The following DOCK10 variants were observed in gnomAD, a reference collection of about 807,000 sequenced individuals.
DOCK10 encodes dedicator of cytokinesis protein 10.
A neutral mutation model predicts 280.1 loss-of-function variants in DOCK10; 145 were observed. That is an observed-to-expected ratio of 0.52 (90% CI 0.45 to 0.59). The LOEUF is 0.59. DOCK10 is among the 20% of genes least tolerant of loss of function. The probability of loss-of-function intolerance (pLI) is 0.00; values close to 1 mark genes in which losing one functional copy is unlikely to be tolerated. For missense variants in DOCK10, 2,368 were observed against 2,651.7 expected (o/e 0.89, Z 2.35); for synonymous variants, 915 against 942.2 (o/e 0.97, Z 0.53).
chr2:224,953,107 CATG>C (rs1703856610), intron 1 of DOCK10, among the ~76,000 whole-genome samples: 1 of 152,166 alleles, frequency 6.6e-6, no homozygotes, highest in Non-Finnish European at 1.5e-5. Flanking sequence ...GACACATGTA[CATG>C]ATGACAGGAT....
chr2:224,808,267 T>G (rs183322085), intron 31 of DOCK10, among the ~76,000 whole-genome samples, 181 bp from the exon 32 acceptor site: 264 of 152,326 alleles, frequency 1.7e-3, no homozygotes, highest in Non-Finnish European at 3.0e-3. Context: ...AAGGGGACTA[T>G]TCTGTGTAGA....
At chr2:224,861,795 A>G (rs1285551474) in intron 14 of DOCK10, 2 of 152,156 alleles carry the variant, frequency 1.3e-5, no homozygotes, top group Non-Finnish European at 2.9e-5. Flanking sequence ...ACAGAGCTTC[A>G]CCATGTTGGC....
At chr2:224,885,974 A>G (rs1574994950) in intron 6 of DOCK10, 89 bp downstream of exon 6, 3 of 1,559,774 alleles carry the variant, frequency 1.9e-6, no homozygotes, top group East Asian at 4.5e-5. Context: ...CATAAACTCA[A>G]TGCAAATGGC....
intron 1 of DOCK10, among the ~76,000 whole-genome samples, chr2:225,035,649 A>ACT (rs1559987409): frequency 0.012 from 1,586 of 134,228 alleles, 70 homozygotes; most frequent in African/African-American, 0.049. Flanking sequence ...TAATAACCAA[A>ACT]GAATCAGTGT....
chr2:224,841,425 G>T, intron 23 of DOCK10, among the ~76,000 whole-genome samples: 1 of 151,964 alleles, frequency 6.6e-6, no homozygotes, highest in East Asian at 1.9e-4. Flanking sequence ...TATTCTGCTG[G>T]TATTTTTTTC....
rs546748352 is a variant in DOCK10 at position 224,780,048 on chromosome 2, C to T, written c.5656-1764G>A. ...TTAAAGGGCACACATCTTAAAAAGGCGTATGTGTACCAGGCATAACTGGAA... is the reference window on the plus strand; with the variant it reads ...TTAAAGGGCACACATCTTAAAAAGGTGTATGTGTACCAGGCATAACTGGAA... On this transcript the variant is annotated intron_variant, in intron 50 of 55. Coordinates refer to ENST00000258390, the MANE Select transcript of DOCK10 (RefSeq NM_014689.3). 5.9e-5 allele frequency among the ~76,000 whole-genome samples: 9 copies of T among 152,206 alleles called. No homozygotes were observed. The South Asian group carries it at 1.2e-3, about 21-fold the overall frequency.
rs868052287 is a variant in DOCK10, at chr2:224,796,380, C to A, written c.4874G>T (p.Gly1625Val). The change falls in exon 44 of 56, where the codon GGC (glycine) becomes GTC (valine). Residue 1625 changes from glycine to valine, a missense_variant. Physicochemically the swap from Gly to Val is moderately radical, Grantham distance 109 (BLOSUM62 -3). Around this residue, in one of 2 missense-constraint regions of DOCK10, gnomAD observed 1,159 missense variants for 1,400.8 expected, o/e 0.83. Coordinates refer to ENST00000258390, the MANE Select transcript of DOCK10 (RefSeq NM_014689.3). The part of the protein sequence containing the change: ...SQLIADAGIG[G>V]SRFQHSLAIT... ...TGCAAGCGAATGTTGAAACCGAGAG[C>A]CTCCAATCCCAGCATCGGCTATTAA... 3.2e-6 allele frequency: 5 copies of A among 1,573,394 alleles called. No individual in the cohort carries two copies. Among genetic ancestry groups the A allele is most frequent in the Non-Finnish European group, 4.3e-6 (5 of 1,158,066 alleles).
At chr2:224,951,543 G>T (rs1339693704) in intron 1 of DOCK10, among the ~76,000 whole-genome samples, 6 of 152,154 alleles carry the variant, frequency 3.9e-5, no homozygotes, top group African/African-American at 1.2e-4. Context: ...AGAGACATGG[G>T]AATTTGAATG....
chr2:224,938,548 T>A (rs1026301465), intron 1 of DOCK10, among the ~76,000 whole-genome samples: 2 of 152,054 alleles, frequency 1.3e-5, no homozygotes, highest in African/African-American at 4.8e-5. Flanking sequence ...AATCTTGAAA[T>A]CCCCAAAACA....
chr2:224,929,166 A>G (rs959317355), intron 2 of DOCK10, among the ~76,000 whole-genome samples: 1 of 152,146 alleles, frequency 6.6e-6, no homozygotes, highest in Non-Finnish European at 1.5e-5. Flanking sequence ...TATTTTCCTC[A>G]TAGAATTGGT....
intron 4 of DOCK10, 122 bp from the exon 5 acceptor site, chr2:224,886,653 T>G (rs1465709392): frequency 1.4e-6 from 1 of 730,584 alleles, no homozygotes; most frequent in Admixed American, 2.8e-5. Flanking sequence ...TGTAAAATAA[T>G]GTAATCTTTT....
At chr2:224,890,224 A>G (rs980112254) in intron 4 of DOCK10, among the ~76,000 whole-genome samples, 1 of 152,160 alleles carries the variant, frequency 6.6e-6, no homozygotes, top group Non-Finnish European at 1.5e-5. Context: ...CAAAAGAATA[A>G]TTTTGTAGGT....
chr2:224,978,668 A>G (rs895095015), intron 1 of DOCK10, among the ~76,000 whole-genome samples: 8 of 152,224 alleles, frequency 5.3e-5, no homozygotes, highest in Non-Finnish European at 1.0e-4. Flanking sequence ...TAAATATTAT[A>G]GGAGATTAGA....
chr2:224,831,963 C>T (rs1028296677), intron 26 of DOCK10, among the ~76,000 whole-genome samples: 1 of 152,164 alleles, frequency 6.6e-6, no homozygotes, highest in Non-Finnish European at 1.5e-5. Flanking sequence ...CCTCTTAAAC[C>T]TTGGCCTGTG....
chr2:224,851,945 C>T lies in DOCK10; in HGVS notation c.2142+432G>A, dbSNP rs1057259938. 8.5e-5 allele frequency among the ~76,000 whole-genome samples: 13 copies of T among 152,264 alleles called. No individual in the cohort carries two copies. The South Asian group carries it at 2.5e-3, about 29-fold the overall frequency. ...TTCCAGTTCCTCAGGCACTTGGCCA[C>T]GTGCACCTTCCATAATGTGAGCATC... On this transcript the variant is annotated intron_variant, in intron 18 of 55. Transcript: ENST00000258390.
chr2:224,947,205 A>G (rs967465747), intron 1 of DOCK10: 26 of 432,736 alleles, frequency 6.0e-5, no homozygotes, highest in African/African-American at 4.9e-4. Flanking sequence ...ATAAAGCAAC[A>G]CAAAATGACT....
intron 1 of DOCK10, among the ~76,000 whole-genome samples, chr2:225,034,523 T>C (rs911465885): frequency 6.6e-6 from 1 of 152,324 alleles, no homozygotes; most frequent in East Asian, 1.9e-4. Flanking sequence ...CATTATCAGA[T>C]GCTAACAACC....
At chr2:224,823,671 T>C in intron 27 of DOCK10, 24 bp from the exon 28 acceptor site, 1 of 1,551,132 alleles carries the variant, frequency 6.4e-7, no homozygotes, top group African/African-American at 1.4e-5. Flanking sequence ...GGATTATATC[T>C]TTCTAATGTG....
Position 224,797,913 on chromosome 2 carries a change from G to C in DOCK10, c.4563C>G (p.Thr1521=). 6.2e-7 allele frequency: 1 copy of C among 1,613,792 alleles called. No homozygotes were observed. The highest frequency in any genetic ancestry group is 8.5e-7 in the Non-Finnish European group (1 of 1,179,780). Residue 1521 remains threonine, a synonymous_variant, in exon 42 of 56, where the codon ACC becomes ACG. Transcript: ENST00000258390. ...GATTGACTTGGAAAAAGAGCATGTAGGTATCAAAGACCCTTTTCATCAATG... is the reference window on the plus strand; with the variant it reads ...GATTGACTTGGAAAAAGAGCATGTACGTATCAAAGACCCTTTTCATCAATG... ...QNSLMKRVFD[T]YMLFFQVNQS... is the part of the protein sequence containing the mutation.
Sources: gnomAD v4.1 joint callset for allele counts (sites outside exome capture counted in the v4.1 genomes callset) on GRCh38, gnomAD v4.1.1 for gene constraint, gnomAD v4.1.1 regional missense constraint, MANE v1.5 for transcripts, NCBI Gene and HGNC (gene_info 2026-07-23, HGNC 2026-07-21) for gene names.